Variants in TACC2 observed in about 807,000 individuals in gnomAD.
TACC2 encodes transforming acidic coiled-coil-containing protein 2.
A neutral mutation model predicts 227.3 loss-of-function variants in TACC2; 137 were observed. The observed-to-expected ratio is 0.60, with a 90% confidence interval of 0.52 to 0.69. The LOEUF (loss-of-function observed/expected upper bound fraction) is 0.69. Among genes scored for constraint, TACC2 ranks in the 30% least tolerant of loss-of-function variants. The probability of loss-of-function intolerance (pLI) is 0.00; values close to 1 mark genes in which losing one functional copy is unlikely to be tolerated. For missense variants in TACC2, 3,470 were observed against 3,694.4 expected, an observed-to-expected ratio of 0.94 and a Z score of 1.57; for synonymous variants, 1,523 against 1,487.5, an observed-to-expected ratio of 1.02 and a Z score of -0.55.
intron 2 of TACC2, among the ~76,000 whole-genome samples, chr10:122,043,522 TTTTC>T (rs71022889): frequency 6.9e-6 from 1 of 144,108 alleles, no homozygotes; most frequent in South Asian, 2.2e-4. Context: ...TTTTTCTTTC[TTTTC>T]TTTCTTTCTC....
At chr10:122,238,743 G>A (rs1053116516) in intron 18 of TACC2, among the ~76,000 whole-genome samples, 1 of 151,896 alleles carries the variant, frequency 6.6e-6, no homozygotes, top group Non-Finnish European at 1.5e-5. Flanking sequence ...GAGTCGCTGC[G>A]CCTGACCCAC....
rs751738477 is a variant in TACC2, at chr10:122,087,852, C to T, written c.5352C>T (p.Pro1784=). 1.3e-6 allele frequency: 2 copies of T among 1,525,794 alleles called. No homozygotes were observed. The highest frequency in any genetic ancestry group is 1.8e-6 in the Non-Finnish European group (2 of 1,137,452). 94.5% of individuals were successfully genotyped at this position (1,525,794 alleles called of 1,614,324 possible). The change falls in exon 4 of 23, where the codon CCC becomes CCT. Residue 1784 remains proline, a synonymous_variant. Coordinates refer to ENST00000369005, the MANE Select transcript of TACC2 (RefSeq NM_206862.4). ...QAKEQPGPER[P]IPAGDGKVCV... is the part of the protein sequence containing the mutation. The stretch of plus-strand genomic sequence containing the variant: ...AGGAGCAGCCAGGGCCTGAGCGCCC[C>T]ATTCCAGCTGGGGATGGGAAGGTGT...
chr10:122,247,567 A>T (rs925104324), intron 19 of TACC2: 2 of 152,290 alleles, frequency 1.3e-5, no homozygotes, highest in East Asian at 1.9e-4. Context: ...CTAAGCAGCC[A>T]TAAAAAAAGA....
chr10:122,160,351 A>G (rs2092742259), intron 7 of TACC2, among the ~76,000 whole-genome samples: 1 of 152,144 alleles, frequency 6.6e-6, no homozygotes, highest in African/African-American at 2.4e-5. Flanking sequence ...GGGTCTCATT[A>G]GGGTCGTGCT....
intron 18 of TACC2, among the ~76,000 whole-genome samples, chr10:122,240,045 G>A (rs2095952606): frequency 6.6e-6 from 1 of 152,200 alleles, no homozygotes; most frequent in South Asian, 2.1e-4. Context: ...TGGGATCCTG[G>A]AAGAGTTTCT....
intron 11 of TACC2, among the ~76,000 whole-genome samples, chr10:122,224,444 T>C (rs12416376): frequency 0.33 from 49,655 of 151,912 alleles, 8,658 homozygotes; most frequent in East Asian, 0.47. Context: ...TGGCCACACT[T>C]GGGCTGTGCT....
At position 122,229,418 on chromosome 10, in the gene TACC2, G is replaced by A; in HGVS notation, c.7969G>A (p.Gly2657Ser). 1 of 1,613,926 alleles carries A rather than the reference G, an allele frequency of 6.2e-7. No individual in the cohort carries two copies. Among genetic ancestry groups the A allele is most frequent in the African/African-American group, 1.3e-5 (1 of 74,926 alleles). ...GCTAGCTCACCCCGTCTCTCTCTGTGGTGCACTTGACTATCTGGAGCCCGA... is the reference window on the plus strand; with the variant it reads ...GCTAGCTCACCCCGTCTCTCTCTGTAGTGCACTTGACTATCTGGAGCCCGA... ...SRLAHPVSLCGALDYLEPDLA... is the reference protein window; with the variant it reads ...SRLAHPVSLCSALDYLEPDLA... The change falls in exon 15 of 23, where the codon GGT becomes AGT. Residue 2657 changes from glycine to serine, a missense_variant. Coordinates refer to ENST00000369005, the MANE Select transcript of TACC2 (RefSeq NM_206862.4).
rs1374098953 is a variant in TACC2 at position 122,224,824 on chromosome 10, CT to C, written c.7608+40del. The C allele has an allele frequency of 2.6e-6, 4 of 1,566,720 alleles. No individual in the cohort carries two copies. In the African/African-American group the frequency reaches 5.4e-5, roughly 21 times the overall value. Reference sequence around the variant, plus strand: ...TGCCTCGGGCCACTTAGGGGACTCGCTTTCCTGCCTTCAGGGGCCTCCTCCC... The same window carrying C: ...TGCCTCGGGCCACTTAGGGGACTCGCTTCCTGCCTTCAGGGGCCTCCTCCC... On this transcript the variant is annotated intron_variant, in intron 12 of 22. Coordinates refer to ENST00000369005, the MANE Select transcript of TACC2 (RefSeq NM_206862.4).
At chr10:122,200,045 C>T (rs1430838899) in intron 8 of TACC2, among the ~76,000 whole-genome samples, 4 of 152,234 alleles carry the variant, frequency 2.6e-5, no homozygotes, top group African/African-American at 7.2e-5. Flanking sequence ...CCAGAGCACA[C>T]AGCAAGCTGA....
chr10:122,069,351 C>G (rs1187294242), intron 3 of TACC2, among the ~76,000 whole-genome samples: 1 of 152,178 alleles, frequency 6.6e-6, no homozygotes, highest in Admixed American at 6.5e-5. Context: ...ACACCATTCT[C>G]CTGCCTCAGC....
intron 1 of TACC2, among the ~76,000 whole-genome samples, chr10:122,008,817 C>T (rs939660092): frequency 1.9e-4 from 29 of 152,202 alleles, no homozygotes; most frequent in African/African-American, 7.0e-4. Context: ...AAGCGATCCA[C>T]TCACCTTGGC....
intron 9 of TACC2, chr10:122,213,401 C>T (rs758511027): frequency 1.2e-6 from 2 of 1,610,408 alleles, no homozygotes; most frequent in Admixed American, 1.7e-5. Context: ...ATGCAATCTG[C>T]CTCTTATGCC....
chr10:122,108,593 G>A (rs1409177756), intron 5 of TACC2, among the ~76,000 whole-genome samples: 3 of 150,260 alleles, frequency 2.0e-5, no homozygotes, highest in African/African-American at 4.9e-5. Flanking sequence ...TTACAGGCAC[G>A]TGCCACCATG....
intron 8 of TACC2, among the ~76,000 whole-genome samples, chr10:122,202,167 GTTA>G (rs1202936262): frequency 6.0e-5 from 9 of 151,222 alleles, no homozygotes; most frequent in East Asian, 1.9e-4. Flanking sequence ...ATTTGCTTAG[GTTA>G]TTATTTTTTT....
At chr10:122,172,298 A>G (rs2093513459) in intron 7 of TACC2, among the ~76,000 whole-genome samples, 1 of 152,152 alleles carries the variant, frequency 6.6e-6, no homozygotes, top group Non-Finnish European at 1.5e-5. Flanking sequence ...CTGCTGGGTG[A>G]CAGAATCAGG....
chr10:122,008,346 C>T (rs1363915801), intron 1 of TACC2, among the ~76,000 whole-genome samples: 9 of 150,070 alleles, frequency 6.0e-5, no homozygotes, highest in South Asian at 4.2e-4. Flanking sequence ...TGCAACCTCT[C>T]GCCTCCCAGG....
chr10:122,075,244 G>A (rs1008223706), intron 3 of TACC2, among the ~76,000 whole-genome samples: 1 of 151,132 alleles, frequency 6.6e-6, no homozygotes, highest in African/African-American at 2.4e-5. Flanking sequence ...GGCAAGGTTA[G>A]GCTGCAGGAT....
chr10:122,251,660 T>C (rs956624021), intron 22 of TACC2, among the ~76,000 whole-genome samples: 4 of 152,206 alleles, frequency 2.6e-5, no homozygotes, highest in African/African-American at 9.6e-5. Flanking sequence ...TGATTGTGCC[T>C]GTAAGTAGCC....
chr10:122,156,309 C>T lies in TACC2; in HGVS notation c.5834+12603C>T, dbSNP rs186196265. Reference sequence around the variant, plus strand: ...CGTGACTTCGGCTCACTGCAAGCTCCGCTTCCCGGGTTCACACCATTCTCC... The same window carrying T: ...CGTGACTTCGGCTCACTGCAAGCTCTGCTTCCCGGGTTCACACCATTCTCC... On this transcript the variant is annotated intron_variant, in intron 7 of 22. Transcript: ENST00000369005. Among the ~76,000 whole-genome samples, 526 of 151,714 alleles carry T rather than the reference C, an allele frequency of 3.5e-3. 2 individuals carry two copies. Among genetic ancestry groups the T allele is most frequent in the Middle Eastern group, 0.01 (3 of 294 alleles).
Sources: gnomAD v4.1 joint callset for allele counts (sites outside exome capture counted in the v4.1 genomes callset) on GRCh38, gnomAD v4.1.1 for gene constraint, MANE v1.5 for transcripts, NCBI Gene and HGNC (gene_info 2026-07-23, HGNC 2026-07-21) for gene names.